ANK1: variants seen among roughly 807,000 people sequenced by gnomAD.
The protein encoded by ANK1 is ankyrin 1, also known as ankyrin-1.
ANK1 carries 51 observed loss-of-function variants against 210.4 expected under a neutral mutation model. The observed-to-expected ratio is 0.24, with a 90% CI of 0.19 to 0.31. The LOEUF (loss-of-function observed/expected upper bound fraction) is 0.31, where lower values mean the gene tolerates loss of function less well. Among genes scored for constraint, ANK1 ranks in the 10% least tolerant of loss-of-function variants. ANK1 has a pLI of 1.00. For missense variants in ANK1, 2,051 were observed against 2,504.4 expected (o/e 0.82, Z 3.86); for synonymous variants, 967 against 1,025.9 (o/e 0.94, Z 1.10).
intron 1 of ANK1, among the ~76,000 whole-genome samples, chr8:41,781,484 C>A (rs898434736): frequency 2.2e-4 from 33 of 152,242 alleles, no homozygotes; most frequent in African/African-American, 8.0e-4. Flanking sequence ...GACCACCTTC[C>A]CAGGCCCTCT....
At chr8:41,684,785 G>A (rs900826455) in intron 36 of ANK1, 95 bp from the exon 37 acceptor site, 8 of 1,503,168 alleles carry the variant, frequency 5.3e-6, no homozygotes, top group African/African-American at 1.4e-5. Context: ...ATGGAGAAAG[G>A]AGATAATTTT....
intron 18 of ANK1, among the ~76,000 whole-genome samples, chr8:41,705,929 C>T (rs1174793348): frequency 6.6e-6 from 1 of 152,234 alleles, no homozygotes; most frequent in African/African-American, 2.4e-5. Context: ...TTTCTCACTG[C>T]AGAGGCTCAA....
rs182454354 is a variant in ANK1 at position 41,654,082 on chromosome 8, C to G, written c.*1708G>C. 1,131 of 152,512 alleles carry G rather than the reference C, an allele frequency of 7.4e-3. 12 individuals are homozygous for G. The highest frequency in any genetic ancestry group is 8.1e-3 in the Non-Finnish European group (553 of 68,002). 9.4% of individuals were successfully genotyped at this position (152,512 alleles called of 1,614,324 possible). ...GTGTCCCGAGGACACTCCCGCAGAG[C>G]GGCGGGGCGGACGGGGCCGGGCCGT... On this transcript the variant is annotated 3_prime_UTR_variant, in exon 43 of 43. Transcript: ENST00000289734.
At chr8:41,776,526 G>T (rs559998108) in intron 1 of ANK1, among the ~76,000 whole-genome samples, 1 of 152,124 alleles carries the variant, frequency 6.6e-6, no homozygotes, top group Admixed American at 6.5e-5. Context: ...CTGGTGCTAC[G>T]TCTTCCCGGC....
At chr8:41,664,315 T>G (rs1239065142) in intron 39 of ANK1, 3 of 369,368 alleles carry the variant, frequency 8.1e-6, no homozygotes, top group Non-Finnish European at 1.6e-5. Context: ...CTACAAAAAT[T>G]TTTTTAAAAT....
intron 42 of ANK1, among the ~76,000 whole-genome samples, chr8:41,658,060 T>C (rs1273099377): frequency 6.6e-6 from 1 of 152,194 alleles, no homozygotes; most frequent in Admixed American, 6.5e-5. Flanking sequence ...TTTTAAACTT[T>C]TTTTGTAGAG....
rs560745225 is a variant in ANK1, at chr8:41,694,761, C to T, written c.3158G>A (p.Arg1053Gln). The change falls in exon 28 of 43, where the codon CGA (arginine) becomes CAA (glutamine). Residue 1053 changes from arginine to glutamine, a missense_variant. Physicochemically the swap from Arg to Gln is conservative, Grantham distance 43 (BLOSUM62 1). Coordinates refer to ENST00000289734, the MANE Select transcript of ANK1 (RefSeq NM_000037.4). This position sits in a 1 kb window ranked among gnomAD's most constrained non-coding sequence, Gnocchi z 5.7. ...CAGCGGGAAGTCGGTGGTGATGATT[C>T]GGCACACCCTCTTCTTCTCTAGCTC... ...LEELEKKRVC[R>Q]IITTDFPLYF... 1.2e-5 allele frequency: 20 copies of T among 1,614,010 alleles called. No homozygotes were observed. Among genetic ancestry groups the T allele is most frequent in the Admixed American group, 1.2e-4 (7 of 60,006 alleles).
chr8:41,862,519 A>G (rs1164283425), intron 1 of ANK1, among the ~76,000 whole-genome samples: 1 of 152,208 alleles, frequency 6.6e-6, no homozygotes, highest in African/African-American at 2.4e-5. Context: ...GGACACACTC[A>G]ACATTTTTAA....
intron 1 of ANK1, among the ~76,000 whole-genome samples, chr8:41,819,715 G>A (rs1180848569): frequency 1.3e-5 from 2 of 152,220 alleles, no homozygotes; most frequent in Non-Finnish European, 2.9e-5. Context: ...TATGGCTTGC[G>A]ACTTGGGCTC....
At chr8:41,782,795 G>C (rs369497226) in intron 1 of ANK1, among the ~76,000 whole-genome samples, 1 of 152,108 alleles carries the variant, frequency 6.6e-6, no homozygotes, top group Non-Finnish European at 1.5e-5. Flanking sequence ...ATCTGGATCC[G>C]AAATTAGATG....
intron 35 of ANK1, among the ~76,000 whole-genome samples, chr8:41,686,987 A>C (rs947995207): frequency 6.6e-6 from 1 of 152,216 alleles, no homozygotes; most frequent in Non-Finnish European, 1.5e-5. Flanking sequence ...CTCACAACAC[A>C]TACACGTGCA....
At chr8:41,759,289 C>T (rs758245389) in intron 1 of ANK1, among the ~76,000 whole-genome samples, 5 of 152,266 alleles carry the variant, frequency 3.3e-5, no homozygotes, top group South Asian at 4.2e-4. Flanking sequence ...AGGTGGATCA[C>T]GAGGTCAAGA....
At chr8:41,726,447 T>C (rs1391871288) in intron 5 of ANK1, among the ~76,000 whole-genome samples, 1 of 152,162 alleles carries the variant, frequency 6.6e-6, no homozygotes, top group Non-Finnish European at 1.5e-5. Flanking sequence ...TGGAGTATGG[T>C]GGTGCAATCA....
intron 1 of ANK1, among the ~76,000 whole-genome samples, chr8:41,885,550 G>A (rs1472876728): frequency 6.6e-6 from 1 of 152,200 alleles, no homozygotes; most frequent in Non-Finnish European, 1.5e-5. Flanking sequence ...TGCATTGTGT[G>A]CTATCCCAAA....
At chr8:41,687,283 C>A (rs185311991) in intron 35 of ANK1, among the ~76,000 whole-genome samples, 2 of 152,230 alleles carry the variant, frequency 1.3e-5, no homozygotes, top group Non-Finnish European at 2.9e-5. Context: ...CACCAAGCTG[C>A]GCTTGGGTCC....
chr8:41,785,716 G>A (rs921146900), intron 1 of ANK1, among the ~76,000 whole-genome samples: 2 of 152,170 alleles, frequency 1.3e-5, no homozygotes, highest in African/African-American at 4.8e-5. Flanking sequence ...GGGCCTTCCC[G>A]CAGGAGTTGC....
At chr8:41,729,232 T>C (rs7003385) in intron 3 of ANK1, among the ~76,000 whole-genome samples, 40,247 of 151,972 alleles carry the variant, frequency 0.26, 6,315 homozygotes, top group Non-Finnish European at 0.34. Context: ...CAAAATGTAA[T>C]GAGTAAGGGT....
At chr8:41,709,096 A>C (rs549701290) in intron 16 of ANK1, 121 bp from the exon 17 acceptor site, 3 of 1,120,594 alleles carry the variant, frequency 2.7e-6, no homozygotes, top group Non-Finnish European at 3.9e-6. Context: ...CAGGGCTGGC[A>C]TCACCCAGGA....
chr8:41,671,467 C>A (rs905274233), intron 38 of ANK1, among the ~76,000 whole-genome samples: 1 of 152,170 alleles, frequency 6.6e-6, no homozygotes, highest in Non-Finnish European at 1.5e-5. Context: ...TCTTCCCCAG[C>A]CTCATGATTG....
Sources: gnomAD v4.1 joint callset for allele counts (sites outside exome capture counted in the v4.1 genomes callset) on GRCh38, gnomAD v4.1.1 for gene constraint, Gnocchi (gnomAD v3.1) non-coding constraint, MANE v1.5 for transcripts, NCBI Gene and HGNC (gene_info 2026-07-23, HGNC 2026-07-21) for gene names.